PDE10A: variants seen among roughly 807,000 people sequenced by gnomAD.
PDE10A encodes the protein cAMP and cAMP-inhibited cGMP 3',5'-cyclic phosphodiesterase 10A.
In PDE10A, 39 loss-of-function variants were observed where a neutral mutation model predicts 97.7. The ratio of observed to expected loss-of-function variants is 0.40; its 90% CI spans 0.31 to 0.52. The LOEUF (loss-of-function observed/expected upper bound fraction) is 0.52, where lower values mean the gene tolerates loss of function less well. Among genes scored for constraint, PDE10A ranks in the 20% least tolerant of loss-of-function variants. The pLI is 0.56. For missense variants in PDE10A, 731 were observed against 1,047.8 expected (o/e 0.70, Z 4.17); for synonymous variants, 371 against 376.8 (o/e 0.98, Z 0.18).
At chr6:165,570,434 G>A (rs747050740) in intron 1 of PDE10A, among the ~76,000 whole-genome samples, 11 of 152,214 alleles carry the variant, frequency 7.2e-5, no homozygotes, top group Admixed American at 2.6e-4. Flanking sequence ...ATACCAGGCC[G>A]ACAGTGATAT....
At chr6:165,576,656 C>T (rs1029038362) in intron 1 of PDE10A, among the ~76,000 whole-genome samples, 5 of 152,332 alleles carry the variant, frequency 3.3e-5, no homozygotes, top group South Asian at 2.1e-4. Flanking sequence ...TCTTTCATAT[C>T]CCATCTCTTT....
intron 3 of PDE10A, among the ~76,000 whole-genome samples, chr6:165,475,258 T>C (rs1779230470): frequency 6.6e-6 from 1 of 152,170 alleles, no homozygotes; most frequent in Non-Finnish European, 1.5e-5. Context: ...CTGTAGAATA[T>C]ATGGTCATAA....
chr6:165,434,942 T>G (rs1789889417), intron 6 of PDE10A, among the ~76,000 whole-genome samples: 1 of 152,198 alleles, frequency 6.6e-6, no homozygotes, highest in African/African-American at 2.4e-5. Flanking sequence ...CAGCAAAATA[T>G]GAATCATAAA....
chr6:165,684,787 A>T (rs1310690165), intron 1 of PDE10A, among the ~76,000 whole-genome samples: 15 of 152,266 alleles, frequency 9.9e-5, no homozygotes, highest in Non-Finnish European at 1.5e-5. Context: ...TGAAAATTAC[A>T]ATGAAAGTTC....
At chr6:165,952,914 T>A (rs9459545) in intron 1 of PDE10A, among the ~76,000 whole-genome samples, 22,523 of 151,794 alleles carry the variant, frequency 0.15, 1,902 homozygotes, top group Non-Finnish European at 0.18. Context: ...GGTTTTTCCA[T>A]CCTCTCATGA....
intron 13 of PDE10A, among the ~76,000 whole-genome samples, chr6:165,413,099 G>C (rs560091054): frequency 1.3e-5 from 2 of 151,704 alleles, no homozygotes; most frequent in East Asian, 3.9e-4. Flanking sequence ...AACTTTCCTG[G>C]TGGGTGTCCA....
chr6:165,744,907 A>G (rs1427251361), intron 1 of PDE10A, among the ~76,000 whole-genome samples: 3 of 151,956 alleles, frequency 2.0e-5, no homozygotes, highest in Non-Finnish European at 2.9e-5. Context: ...CAGTAGTGAG[A>G]TTCCTGGCCT....
intron 2 of PDE10A, among the ~76,000 whole-genome samples, chr6:165,516,939 C>T (rs1048649953): frequency 1.1e-4 from 17 of 152,150 alleles, no homozygotes; most frequent in African/African-American, 4.1e-4. Flanking sequence ...ATACAGCTTC[C>T]AATTACTATA....
At chr6:165,433,396 TGAC>T (rs1168394199) in intron 6 of PDE10A, among the ~76,000 whole-genome samples, 4 of 151,648 alleles carry the variant, frequency 2.6e-5, no homozygotes, top group African/African-American at 7.3e-5. Context: ...TAATTTCATA[TGAC>T]AATAAAAAAA....
chr6:165,475,351 A>C (rs1295842699), intron 3 of PDE10A, among the ~76,000 whole-genome samples: 1 of 152,208 alleles, frequency 6.6e-6, no homozygotes, highest in Admixed American at 6.5e-5. Context: ...TACACCAGGA[A>C]AAATAAGTAT....
chr6:165,423,903 C>T (rs369988978), intron 10 of PDE10A, among the ~76,000 whole-genome samples: 6 of 151,892 alleles, frequency 4.0e-5, no homozygotes, highest in African/African-American at 9.7e-5. Context: ...ATAAATCTTC[C>T]GTATTATAAA....
intron 1 of PDE10A, among the ~76,000 whole-genome samples, chr6:165,806,667 C>CTTTA (rs1179512213): frequency 2.0e-5 from 3 of 149,716 alleles, no homozygotes; most frequent in Middle Eastern, 3.4e-3. Context: ...CCAGGCTCTT[C>CTTTA]TTTAGACTTT....
intron 1 of PDE10A, among the ~76,000 whole-genome samples, chr6:165,808,767 C>T (rs562687729): frequency 1.2e-4 from 19 of 152,262 alleles, no homozygotes; most frequent in South Asian, 1.0e-3. Flanking sequence ...ACTTATTCTA[C>T]GGCATATGCA....
chr6:165,970,253 T>C (rs1316503452), intron 1 of PDE10A, among the ~76,000 whole-genome samples: 1 of 152,208 alleles, frequency 6.6e-6, no homozygotes, highest in Non-Finnish European at 1.5e-5. Flanking sequence ...CTATGTGTGG[T>C]TCTGGAACAG....
intron 1 of PDE10A, among the ~76,000 whole-genome samples, chr6:165,774,131 A>G (rs1033962841): frequency 5.9e-5 from 9 of 152,204 alleles, no homozygotes; most frequent in Non-Finnish European, 8.8e-5. Context: ...TGAAAGCCAA[A>G]TAGGAAAAAA....
intron 18 of PDE10A, among the ~76,000 whole-genome samples, chr6:165,355,473 C>T (rs509909): frequency 0.56 from 84,435 of 151,996 alleles, 24,556 homozygotes; most frequent in African/African-American, 0.74. Flanking sequence ...TATGTAACCA[C>T]TTTGCTCAAA....
chr6:165,488,192 A>C (rs1780028945), intron 2 of PDE10A, among the ~76,000 whole-genome samples: 1 of 152,208 alleles, frequency 6.6e-6, no homozygotes, highest in Non-Finnish European at 1.5e-5. Flanking sequence ...CAGTGGGATG[A>C]ATAAATTAGG....
chr6:165,640,659 A>G (rs1280745165), intron 1 of PDE10A, among the ~76,000 whole-genome samples: 3 of 152,352 alleles, frequency 2.0e-5, no homozygotes, highest in South Asian at 2.1e-4. Flanking sequence ...AAACCACAAC[A>G]TATTCCTATC....
At chr6:165,863,355 C>T (rs1780957597) in intron 1 of PDE10A, among the ~76,000 whole-genome samples, 1 of 152,090 alleles carries the variant, frequency 6.6e-6, no homozygotes. Context: ...AAATGAAGCC[C>T]CACATGAAAA....
Sources: gnomAD v4.1 joint callset for allele counts (sites outside exome capture counted in the v4.1 genomes callset) on GRCh38, gnomAD v4.1.1 for gene constraint, MANE v1.5 for transcripts, NCBI Gene and HGNC (gene_info 2026-07-23, HGNC 2026-07-21) for gene names.